The following NCOA7 variants were observed in gnomAD, a reference collection of about 807,000 sequenced individuals.
NCOA7 encodes the protein 140 kDa estrogen receptor-associated protein.
A neutral mutation model predicts 104.3 loss-of-function variants in NCOA7; 45 were observed. The ratio of observed to expected loss-of-function variants is 0.43; its 90% CI spans 0.34 to 0.55. NCOA7 has a LOEUF of 0.55. Among genes scored for constraint, NCOA7 ranks in the 20% least tolerant of loss-of-function variants. The pLI is 0.02. For missense variants in NCOA7, 1,041 were observed against 1,119.7 expected, an observed-to-expected ratio of 0.93 and a Z score of 1.00; for synonymous variants, 398 against 402.3, an observed-to-expected ratio of 0.99 and a Z score of 0.13.
At chr6:125,781,459 T>C (rs1362943818) in intron 1 of NCOA7, 1 of 152,138 alleles carries the variant, frequency 6.6e-6, no homozygotes, top group Non-Finnish European at 1.5e-5. Flanking sequence ...TGAAAATATG[T>C]AATAATATGA....
intron 2 of NCOA7, among the ~76,000 whole-genome samples, chr6:125,844,452 A>T (rs1780426520): frequency 1.3e-5 from 2 of 152,160 alleles, no homozygotes; most frequent in African/African-American, 4.8e-5. Context: ...TCCAGTGATT[A>T]CTCTTAAATC....
intron 13 of NCOA7, among the ~76,000 whole-genome samples, chr6:125,925,207 C>T (rs534797386): frequency 3.3e-5 from 5 of 152,246 alleles, no homozygotes; most frequent in African/African-American, 1.2e-4. Flanking sequence ...AAGCTCTACC[C>T]AAAGGAACTG....
chr6:125,813,242 G>C (rs532569339), intron 1 of NCOA7, among the ~76,000 whole-genome samples: 1 of 152,236 alleles, frequency 6.6e-6, no homozygotes, highest in East Asian at 1.9e-4. Context: ...CCTCTGACAA[G>C]GTGCAGTGAA....
intron 2 of NCOA7, among the ~76,000 whole-genome samples, chr6:125,833,003 T>C (rs1241088706): frequency 1.3e-5 from 2 of 152,236 alleles, no homozygotes; most frequent in Non-Finnish European, 2.9e-5. Context: ...AGAATAGTTT[T>C]CTTTCTTGCA....
At chr6:125,906,112 T>C (rs1213048732) in intron 10 of NCOA7, among the ~76,000 whole-genome samples, 2 of 151,890 alleles carry the variant, frequency 1.3e-5, no homozygotes, top group Non-Finnish European at 2.9e-5. Context: ...ATGAAGGAGA[T>C]AGGGGAATGG....
At chr6:125,900,718 G>A (rs1785423626) in intron 10 of NCOA7, among the ~76,000 whole-genome samples, 1 of 151,998 alleles carries the variant, frequency 6.6e-6, no homozygotes, top group Admixed American at 6.5e-5. Flanking sequence ...GTTAATTATA[G>A]TCACATTGTT....
At chr6:125,883,467 A>G (rs375368488) in intron 7 of NCOA7, among the ~76,000 whole-genome samples, 2 of 152,128 alleles carry the variant, frequency 1.3e-5, no homozygotes, top group East Asian at 1.9e-4. Context: ...TCCATTTTAA[A>G]ACATTTTTAT....
intron 2 of NCOA7, among the ~76,000 whole-genome samples, chr6:125,848,082 A>G (rs181333354): frequency 2.0e-5 from 3 of 152,246 alleles, no homozygotes; most frequent in Admixed American, 2.0e-4. Flanking sequence ...GAGAAATGCA[A>G]ATCAAAATCA....
chr6:125,808,034 A>G (rs909461431), intron 1 of NCOA7, among the ~76,000 whole-genome samples: 1 of 152,204 alleles, frequency 6.6e-6, no homozygotes, highest in Non-Finnish European at 1.5e-5. Flanking sequence ...CTGATCCACT[A>G]GAATAGCAGC....
At chr6:125,873,221 G>A (rs932485415) in intron 3 of NCOA7, among the ~76,000 whole-genome samples, 2 of 152,082 alleles carry the variant, frequency 1.3e-5, no homozygotes, top group South Asian at 4.2e-4. Context: ...TTCTCAGATC[G>A]TGGTCTGTCA....
intron 2 of NCOA7, among the ~76,000 whole-genome samples, chr6:125,830,465 G>A (rs1157251115): frequency 2.6e-5 from 4 of 152,156 alleles, no homozygotes; most frequent in Non-Finnish European, 5.9e-5. Flanking sequence ...GAGGTGGAAG[G>A]ATTGTTTGAG....
rs1781575070 is a variant in NCOA7, at chr6:125,856,553, C to T, written c.271+1313C>T. ...ATATTTAGTAGAGACGGGGTTTCAC[C>T]GTGTTAGCCAGGATGGTCTCGATCT... On this transcript the variant is annotated intron_variant, in intron 3 of 15. Transcript: ENST00000392477. Among the ~76,000 whole-genome samples, 4 of 152,028 alleles carry T rather than the reference C, an allele frequency of 2.6e-5. No homozygotes were observed. The South Asian group carries it at 6.2e-4, about 24-fold the overall frequency.
chr6:125,847,223 T>C (rs1434759284), intron 2 of NCOA7, among the ~76,000 whole-genome samples: 14 of 152,226 alleles, frequency 9.2e-5, no homozygotes, highest in Non-Finnish European at 2.9e-5. Context: ...TAGCCTTCTC[T>C]CTAATCTCTT....
intron 4 of NCOA7, 73 bp downstream of exon 4, chr6:125,875,041 C>A: frequency 8.7e-7 from 1 of 1,155,676 alleles, no homozygotes; most frequent in Non-Finnish European, 1.3e-6. Flanking sequence ...CCTGACACAT[C>A]CTGCCCCTTG....
At chr6:125,797,616 A>C (rs138512042) in intron 1 of NCOA7, among the ~76,000 whole-genome samples, 1 of 152,330 alleles carries the variant, frequency 6.6e-6, no homozygotes, top group African/African-American at 2.4e-5. Flanking sequence ...GCATGCTGAT[A>C]TCATGAAGTG....
intron 11 of NCOA7, chr6:125,919,465 T>G: frequency 2.5e-6 from 4 of 1,599,830 alleles, no homozygotes; most frequent in Non-Finnish European, 3.4e-6. Context: ...GCTAATAAGG[T>G]GCTGGTGAAT....
chr6:125,885,333 G>T lies in NCOA7; in HGVS notation c.874G>T (p.Ala292Ser). Residue 292 changes from alanine (A) to serine (S), a missense_variant, in exon 8 of 16, where the codon GCC (alanine) becomes TCC (serine). Coordinates refer to ENST00000392477, the MANE Select transcript of NCOA7 (RefSeq NM_181782.5). ...NDISHMKIKDALPSDLPQDLC... is the reference protein window; with the variant it reads ...NDISHMKIKDSLPSDLPQDLC... ...CATTTCTCACATGAAGATCAAAGAT[G>T]CCTTGCCATCGTAAGACATTTATTT... 6.2e-7 allele frequency: 1 copy of T among 1,613,430 alleles called. No individual in the cohort carries two copies. The highest frequency in any genetic ancestry group is 8.5e-7 in the Non-Finnish European group (1 of 1,179,476).
chr6:125,900,450 A>C (rs533868924), intron 10 of NCOA7, among the ~76,000 whole-genome samples: 6 of 152,366 alleles, frequency 3.9e-5, no homozygotes, highest in Non-Finnish European at 8.8e-5. Context: ...CTTTCTCAAC[A>C]GAGCGTTCCT....
intron 2 of NCOA7, among the ~76,000 whole-genome samples, chr6:125,851,740 T>C (rs565321689): frequency 1.7e-3 from 260 of 152,332 alleles, no homozygotes; most frequent in African/African-American, 5.9e-3. Flanking sequence ...TTTCACCACA[T>C]CCACACCAAC....
Sources: gnomAD v4.1 joint callset for allele counts (sites outside exome capture counted in the v4.1 genomes callset) on GRCh38, gnomAD v4.1.1 for gene constraint, MANE v1.5 for transcripts, NCBI Gene and HGNC (gene_info 2026-07-23, HGNC 2026-07-21) for gene names.